ATG7: variants seen among roughly 807,000 people sequenced by gnomAD.
ATG7 encodes ubiquitin-like modifier-activating enzyme ATG7.
ATG7 carries 70 observed loss-of-function variants against 82.4 expected under a neutral mutation model. That is an observed-to-expected ratio of 0.85 (90% CI 0.70 to 1.04). The LOEUF (loss-of-function observed/expected upper bound fraction) is 1.04. Among genes scored for constraint, ATG7 ranks in the 50% least tolerant of loss-of-function variants. The pLI, the probability that ATG7 is intolerant of heterozygous loss-of-function variation, is 0.00. For synonymous variants in ATG7, 287 were observed against 313.0 expected, an observed-to-expected ratio of 0.92 and a Z score of 0.88; for missense variants, 792 against 864.3, an observed-to-expected ratio of 0.92 and a Z score of 1.05.
chr3:11,296,328 T>C (rs1945909351), intron 3 of ATG7, among the ~76,000 whole-genome samples: 1 of 152,186 alleles, frequency 6.6e-6, no homozygotes, highest in Non-Finnish European at 1.5e-5. Flanking sequence ...CAAGCTGCCA[T>C]TCTCCTAGCC....
In ATG7 at chr3:11,298,744, C is replaced by G; in HGVS notation, c.49C>G (p.Pro17Ala). The change falls in exon 4 of 21, where the codon CCT (proline) becomes GCT (alanine). Residue 17 changes from proline (P) to alanine (A), a missense_variant. Transcript: ENST00000693202. Reference protein sequence around the residue: ...DPGLSKLQFAPFSSALDVGFW... With the variant: ...DPGLSKLQFAAFSSALDVGFW... ...TGGACTCTCTAAACTGCAGTTTGCC[C>G]CTTTTAGTAGTGCCTTGGATGTTGG... is the stretch of plus-strand genomic sequence containing the variant. The G allele has an allele frequency of 6.2e-7, 1 of 1,614,086 alleles. No individual in the cohort carries two copies. The highest frequency in any genetic ancestry group is 8.5e-7 in the Non-Finnish European group (1 of 1,180,024).
At chr3:11,420,744 T>C (rs1050204880) in intron 19 of ATG7, among the ~76,000 whole-genome samples, 1 of 150,098 alleles carries the variant, frequency 6.7e-6, no homozygotes, top group African/African-American at 2.5e-5. Context: ...CCTTAAGTAA[T>C]ACAAAATACT....
chr3:11,525,537 A>G (rs1229158773), intron 20 of ATG7, among the ~76,000 whole-genome samples: 1 of 142,448 alleles, frequency 7.0e-6, no homozygotes, highest in African/African-American at 2.7e-5. Flanking sequence ...CACAGCCAAC[A>G]TTAATATCTA....
At chr3:11,518,601 CTT>C (rs1294741808) in intron 20 of ATG7, among the ~76,000 whole-genome samples, 1 of 151,962 alleles carries the variant, frequency 6.6e-6, no homozygotes, top group East Asian at 1.9e-4. Flanking sequence ...GCAGATCACT[CTT>C]TGTTACTCTG....
the ATG7 span, among the ~76,000 whole-genome samples, chr3:11,562,913 C>A: frequency 1.3e-5 from 2 of 152,222 alleles, no homozygotes; most frequent in Non-Finnish European, 2.9e-5. Flanking sequence ...GCTCAGGAGC[C>A]CCAAGGCACA....
chr3:11,332,798 C>A (rs1192297627), intron 10 of ATG7, 174 bp from the exon 11 acceptor site: 2 of 523,156 alleles, frequency 3.8e-6, no homozygotes, highest in Non-Finnish European at 5.8e-6. Flanking sequence ...ACAGAGGAGC[C>A]ATATATGAAT....
intron 20 of ATG7, among the ~76,000 whole-genome samples, chr3:11,507,218 G>C (rs191580438): frequency 1.5e-4 from 23 of 152,292 alleles, no homozygotes; most frequent in Admixed American, 4.6e-4. Flanking sequence ...GGAGGCGGAA[G>C]TTTCAGTGAG....
chr3:11,367,763 T>TG (rs1345646150), intron 18 of ATG7, among the ~76,000 whole-genome samples: 12 of 151,736 alleles, frequency 7.9e-5, no homozygotes, highest in Admixed American at 3.3e-4. Flanking sequence ...TTTGGGTTTT[T>TG]TTTTTTTTTT....
intron 3 of ATG7, among the ~76,000 whole-genome samples, chr3:11,291,122 A>G (rs1030740597): frequency 6.6e-6 from 1 of 152,210 alleles, no homozygotes; most frequent in African/African-American, 2.4e-5. Context: ...CAGGTCATCA[A>G]AATTATGATG....
chr3:11,476,796 TGAAA>T (rs2088294334), intron 20 of ATG7, among the ~76,000 whole-genome samples: 1 of 152,256 alleles, frequency 6.6e-6, no homozygotes, highest in Non-Finnish European at 1.5e-5. Context: ...AGCTTTTTTC[TGAAA>T]GAACATTTAT....
At chr3:11,559,262 C>T (rs755053552), downstream of ATG7, 1,019 of 1,463,732 alleles carry the variant, frequency 7.0e-4, 1 homozygote, top group Non-Finnish European at 8.9e-4. Flanking sequence ...TTTCAGCCAA[C>T]AGCATGACAG....
intron 20 of ATG7, among the ~76,000 whole-genome samples, chr3:11,465,116 A>G (rs2086703211): frequency 7.2e-6 from 1 of 137,990 alleles, no homozygotes; most frequent in Non-Finnish European, 1.6e-5. Context: ...TGTGTGTGTA[A>G]GGACACCTCC....
intron 20 of ATG7, among the ~76,000 whole-genome samples, chr3:11,462,239 C>T (rs918124778): frequency 2.1e-4 from 32 of 152,034 alleles, no homozygotes; most frequent in Admixed American, 5.9e-4. Flanking sequence ...GTTCAGGGCC[C>T]TCTCGTCACC....
At chr3:11,568,497 T>C in the ATG7 span, 1 of 1,456,096 alleles carries the variant, frequency 6.9e-7, no homozygotes, top group Non-Finnish European at 9.4e-7. This position sits in a 1 kb window ranked among gnomAD's most constrained non-coding sequence, Gnocchi z 5.9. Context: ...AGACAGTCCG[T>C]GGAACACAGC....
intron 20 of ATG7, among the ~76,000 whole-genome samples, chr3:11,506,572 A>C (rs1243827073): frequency 1.5e-5 from 2 of 136,600 alleles, no homozygotes; most frequent in Non-Finnish European, 3.1e-5. Context: ...AAAAAAAAAA[A>C]AAAAAAAAAA....
intron 19 of ATG7, among the ~76,000 whole-genome samples, chr3:11,418,424 A>G (rs1241685388): frequency 6.6e-6 from 1 of 152,084 alleles, no homozygotes; most frequent in Non-Finnish European, 1.5e-5. Context: ...AACATATTTC[A>G]ATATGGCTTC....
At position 11,543,152 on chromosome 3, in the gene ATG7, A is replaced by C. The variant is rs140857608; in HGVS notation, c.2080-11659A>C. On this transcript the variant is annotated intron_variant, in intron 20 of 20. Coordinates refer to ENST00000693202, the MANE Select transcript of ATG7 (RefSeq NM_001349232.2). ...ATGAAACCTGTCGTTTTCTCCTTTT[A>C]ATCTCCTCATCCCTGGCTGCCCGAT... 6.4e-4 allele frequency among the ~76,000 whole-genome samples: 98 copies of C among 152,238 alleles called. 2 individuals carry two copies. Among genetic ancestry groups the C allele is most frequent in the East Asian group, 5.0e-3 (26 of 5,164 alleles).
chr3:11,367,057 G>T (rs1197049457), intron 18 of ATG7, among the ~76,000 whole-genome samples: 1 of 142,924 alleles, frequency 7.0e-6, no homozygotes. Flanking sequence ...TTTATTTTTA[G>T]CTACTTTCTA....
intron 20 of ATG7, among the ~76,000 whole-genome samples, chr3:11,544,883 C>T (rs2071141704): frequency 6.6e-6 from 1 of 152,184 alleles, no homozygotes; most frequent in South Asian, 2.1e-4. Context: ...CAGACCAGGC[C>T]CTACCCTCAC....
Sources: gnomAD v4.1 joint callset for allele counts (sites outside exome capture counted in the v4.1 genomes callset) on GRCh38, gnomAD v4.1.1 for gene constraint, Gnocchi (gnomAD v3.1) non-coding constraint, MANE v1.5 for transcripts, NCBI Gene and HGNC (gene_info 2026-07-23, HGNC 2026-07-21) for gene names.